IL15RA: variants seen among roughly 807,000 people sequenced by gnomAD.
IL15RA encodes interleukin-15 receptor subunit alpha.
In IL15RA, 26 loss-of-function variants were observed where a neutral mutation model predicts 24.2. The observed-to-expected ratio is 1.07, with a 90% CI of 0.79 to 1.49. The LOEUF (loss-of-function observed/expected upper bound fraction) is 1.49, where lower values mean the gene tolerates loss of function less well. Among genes scored for constraint, IL15RA ranks in the 40% most tolerant of loss-of-function variants. The pLI is 0.00. For synonymous variants in IL15RA, 166 were observed against 157.6 expected, an observed-to-expected ratio of 1.05 and a Z score of -0.40; for missense variants, 354 against 356.4, an observed-to-expected ratio of 0.99 and a Z score of 0.05.
chr10:5,959,351 T>G lies in IL15RA; in HGVS notation c.616+403A>C, dbSNP rs1230353448. ...AAATGTGGACAGCTTCTCTGTTAAGTGCACGGTGCCACGCCCTGGAGAGGA... is the reference window on the plus strand; with the variant it reads ...AAATGTGGACAGCTTCTCTGTTAAGGGCACGGTGCCACGCCCTGGAGAGGA... On this transcript the variant is annotated intron_variant, in intron 5 of 6. Coordinates refer to ENST00000379977, the MANE Select transcript of IL15RA (RefSeq NM_002189.4). This position sits in a 1 kb window ranked among gnomAD's most constrained non-coding sequence, Gnocchi z 4.1. 2.6e-5 allele frequency among the ~76,000 whole-genome samples: 4 copies of G among 152,090 alleles called. No individual in the cohort carries two copies. The highest frequency in any genetic ancestry group is 6.5e-5 in the Admixed American group (1 of 15,270).
rs1589182502 is a variant in IL15RA, at chr10:5,959,929, A to T, written c.584-143T>A. On this transcript the variant is annotated intron_variant, in intron 4 of 6. Coordinates refer to ENST00000379977, the MANE Select transcript of IL15RA (RefSeq NM_002189.4). The surrounding 1 kb of genome is among the most constrained non-coding windows in gnomAD (Gnocchi z 4.1). ...TGGCGTAACCAGACTCATTTTAGCA[A>T]AGAACAAGCAGGGTAGCTCACTGAG... 2.7e-6 allele frequency: 2 copies of T among 732,460 alleles called. No individual in the cohort carries two copies. Among genetic ancestry groups the T allele is most frequent in the Non-Finnish European group, 4.7e-6 (2 of 421,718 alleles). 45.4% of individuals were successfully genotyped at this position (732,460 alleles called of 1,614,324 possible).
chr10:5,960,631 A>G lies in IL15RA; in HGVS notation c.383-64T>C. On this transcript the variant is annotated intron_variant, in intron 3 of 6. Coordinates refer to ENST00000379977, the MANE Select transcript of IL15RA (RefSeq NM_002189.4). This position sits in a 1 kb window ranked among gnomAD's most constrained non-coding sequence, Gnocchi z 5.1. ...AGACTCCCCTCCTCTCAGCTGCAGCACGGGGTGATGTGGGAGCTGCCATAG... is the reference window on the plus strand; with the variant it reads ...AGACTCCCCTCCTCTCAGCTGCAGCGCGGGGTGATGTGGGAGCTGCCATAG... The G allele has an allele frequency of 3.5e-6, 5 of 1,414,694 alleles. No individual in the cohort carries two copies. In the South Asian group the frequency reaches 4.8e-5, roughly 13 times the overall value. 87.6% of individuals were successfully genotyped at this position (1,414,694 alleles called of 1,614,324 possible). A position where few individuals can be genotyped will look rare whatever the true frequency, so the allele number is the denominator to read the frequency against.
In IL15RA at chr10:5,975,478, G is replaced by T. The variant is rs1210538451; in HGVS notation, c.88+1927C>A. Among the ~76,000 whole-genome samples the T allele has an allele frequency of 1.3e-5, 2 of 150,824 alleles. No individual in the cohort carries two copies. The highest frequency in any genetic ancestry group is 5.0e-5 in the African/African-American group (2 of 40,164). The stretch of plus-strand genomic sequence containing the variant: ...GTGATAGTTGTGTTCACTCTTGGTG[G>T]TGGCAGTGGTTTCATGAGTATGTAT... On this transcript the variant is annotated intron_variant, in intron 1 of 6. Coordinates refer to ENST00000379977, the MANE Select transcript of IL15RA (RefSeq NM_002189.4). This position sits in a 1 kb window ranked among gnomAD's most constrained non-coding sequence, Gnocchi z 4.8.
At position 5,958,481 on chromosome 10, in the gene IL15RA, G is replaced by C; in HGVS notation, c.616+1273C>G. On this transcript the variant is annotated intron_variant, in intron 5 of 6. Transcript: ENST00000379977. The surrounding 1 kb of genome is among the most constrained non-coding windows in gnomAD (Gnocchi z 4.3). Reference sequence around the variant, plus strand: ...GCTCACTGCAACCTCTGCCTCCTGGGTTCCAGCAATTCTCCCACCTCAGCA... The same window carrying C: ...GCTCACTGCAACCTCTGCCTCCTGGCTTCCAGCAATTCTCCCACCTCAGCA... 4.0e-6 allele frequency: 1 copy of C among 252,582 alleles called. No homozygotes were observed. The highest frequency in any genetic ancestry group is 8.2e-6 in the Non-Finnish European group (1 of 121,494). 15.6% of individuals were successfully genotyped at this position (252,582 alleles called of 1,614,324 possible). A position where few individuals can be genotyped will look rare whatever the true frequency, so the allele number is the denominator to read the frequency against.
rs1833978015 is a variant in IL15RA, at chr10:5,952,666, C to G, written c.*429G>C. The G allele has an allele frequency of 5.1e-6, 1 of 196,048 alleles. No individual in the cohort carries two copies. The highest frequency in any genetic ancestry group is 1.1e-5 in the Non-Finnish European group (1 of 94,826). The allele number at this position is 196,048 out of a possible 1,614,324, so 12.1% of individuals were successfully genotyped here. A position where few individuals can be genotyped will look rare whatever the true frequency, so the allele number is the denominator to read the frequency against. On this transcript the variant is annotated 3_prime_UTR_variant, in exon 7 of 7. Coordinates refer to ENST00000379977, the MANE Select transcript of IL15RA (RefSeq NM_002189.4). The stretch of plus-strand genomic sequence containing the variant: ...CTGGTGTCTTCCCTGTAGACGTCTC[C>G]CACGCCAGGAGAAGCCTTGTAATTG...
chr10:5,966,336 A>G lies in IL15RA; in HGVS notation c.92T>C (p.Ile31Thr). 8.7e-6 allele frequency: 14 copies of G among 1,605,318 alleles called. No individual in the cohort carries two copies. Among genetic ancestry groups the G allele is most frequent in the Non-Finnish European group, 1.1e-5 (13 of 1,172,546 alleles). The change falls in exon 2 of 7, where the codon ATC becomes ACC. Residue 31 changes from isoleucine (I) to threonine (T), a missense_variant. Transcript: ENST00000379977. The surrounding 1 kb of genome is among the most constrained non-coding windows in gnomAD (Gnocchi z 6.4). ...LLLRPPATRG[I>T]TCPPPMSVEH... is the part of the protein sequence containing the mutation. Reference sequence around the variant, plus strand: ...CACGGACATGGGGGGAGGGCACGTGATGCCTGCGAAAGTGCAGAGGACAGG... The same window carrying G: ...CACGGACATGGGGGGAGGGCACGTGGTGCCTGCGAAAGTGCAGAGGACAGG...
Position 5,959,909 on chromosome 10 carries a change from T to G in IL15RA, c.584-123A>C, listed in dbSNP as rs1589182292. ...CACCCTGGGAGACTCGTGGCTGGCG[T>G]AACCAGACTCATTTTAGCAAAGAAC... On this transcript the variant is annotated intron_variant, in intron 4 of 6. Transcript: ENST00000379977. The surrounding 1 kb of genome is among the most constrained non-coding windows in gnomAD (Gnocchi z 4.1). The G allele has an allele frequency of 2.4e-6, 2 of 837,284 alleles. No individual in the cohort carries two copies. The highest frequency in any genetic ancestry group is 4.0e-6 in the Non-Finnish European group (2 of 506,246). 51.9% of individuals were successfully genotyped at this position (837,284 alleles called of 1,614,324 possible).
chr10:5,950,080 A>C (rs1244581267), downstream of IL15RA, among the ~76,000 whole-genome samples: 1 of 145,120 alleles, frequency 6.9e-6, no homozygotes, highest in Non-Finnish European at 1.5e-5. The surrounding 1 kb of genome is among the most constrained non-coding windows in gnomAD (Gnocchi z 5.6). Context: ...TGGACAGCAG[A>C]GCAAGACTCT....
At position 5,953,276 on chromosome 10, in the gene IL15RA, A is replaced by G; in HGVS notation, c.693-70T>C. 9.0e-7 allele frequency: 1 copy of G among 1,112,118 alleles called. No individual in the cohort carries two copies. Among genetic ancestry groups the G allele is most frequent in the Middle Eastern group, 2.0e-4 (1 of 5,096 alleles). 68.9% of individuals were successfully genotyped at this position (1,112,118 alleles called of 1,614,324 possible). On this transcript the variant is annotated intron_variant, in intron 6 of 6. Coordinates refer to ENST00000379977, the MANE Select transcript of IL15RA (RefSeq NM_002189.4). The surrounding 1 kb of genome is among the most constrained non-coding windows in gnomAD (Gnocchi z 5.3). ...GCCCTCAAATCAACAGACGCTTCCC[A>G]CTGAGCATGTATGTCCAGCACTGCG...
At chr10:5,949,230 T>A (rs1181512692), downstream of IL15RA, 1 of 471,280 alleles carries the variant, frequency 2.1e-6, no homozygotes, top group Admixed American at 2.3e-5. This position sits in a 1 kb window ranked among gnomAD's most constrained non-coding sequence, Gnocchi z 4.4. Context: ...TATGTCACTT[T>A]TCTCTGTGAG....
rs1034792099 is a variant in IL15RA at position 5,955,968 on chromosome 10, C to T, written c.692+411G>A. Among the ~76,000 whole-genome samples, 4 of 152,066 alleles carry T rather than the reference C, an allele frequency of 2.6e-5. No individual in the cohort carries two copies. The highest frequency in any genetic ancestry group is 1.9e-4 in the East Asian group (1 of 5,188). On this transcript the variant is annotated intron_variant, in intron 6 of 6. Transcript: ENST00000379977. This position sits in a 1 kb window ranked among gnomAD's most constrained non-coding sequence, Gnocchi z 5.3. ...TGTGAGAGCCGATGGCCAGGAAAGG[C>T]GTCCTTCTTGGGAGGGGGCATTCTG... is the stretch of plus-strand genomic sequence containing the variant.
chr10:5,949,402 A>T (rs567014933), downstream of IL15RA: 210 of 469,920 alleles, frequency 4.5e-4, 1 homozygote, highest in African/African-American at 4.1e-3. This position sits in a 1 kb window ranked among gnomAD's most constrained non-coding sequence, Gnocchi z 4.4. Flanking sequence ...ATTACCTAAA[A>T]TATGCACACA....
chr10:5,977,873 G>A, upstream of IL15RA: 1 of 366,728 alleles, frequency 2.7e-6, no homozygotes, highest in Non-Finnish European at 4.9e-6. Flanking sequence ...GAAGAGAGTG[G>A]GCAAAGTCAT....
Position 5,968,803 on chromosome 10 carries a change from G to A in IL15RA, c.89-2464C>T, listed in dbSNP as rs1837059423. On this transcript the variant is annotated intron_variant, in intron 1 of 6. Transcript: ENST00000379977. This position sits in a 1 kb window ranked among gnomAD's most constrained non-coding sequence, Gnocchi z 5.4. ...GCTTGCTGCCTGCTTGTCCGATGGT[G>A]GTGGCACTGGGGGCAGTTTTCCATT... is the stretch of plus-strand genomic sequence containing the variant. The A allele has an allele frequency of 1.4e-6, 1 of 717,078 alleles. No homozygotes were observed. Among genetic ancestry groups the A allele is most frequent in the Non-Finnish European group, 2.5e-6 (1 of 398,594 alleles). 44.4% of individuals were successfully genotyped at this position (717,078 alleles called of 1,614,324 possible).
rs1238053992 is a variant in IL15RA at position 5,960,908 on chromosome 10, C to G, written c.383-341G>C. Among the ~76,000 whole-genome samples the G allele has an allele frequency of 2.0e-5, 3 of 152,044 alleles. No individual in the cohort carries two copies. The highest frequency in any genetic ancestry group is 4.4e-5 in the Non-Finnish European group (3 of 68,016). ...ACCAGCCTGGGCAACACAGCAAGAC[C>G]CTGTTTCTTTTCCTTCTTTTTTTGA... On this transcript the variant is annotated intron_variant, in intron 3 of 6. Transcript: ENST00000379977. This position sits in a 1 kb window ranked among gnomAD's most constrained non-coding sequence, Gnocchi z 5.1.
Position 5,952,747 on chromosome 10 carries a change from A to G in IL15RA, c.*348T>C. The G allele has an allele frequency of 3.4e-6, 1 of 295,396 alleles. No homozygotes were observed. Among genetic ancestry groups the G allele is most frequent in the East Asian group, 6.9e-5 (1 of 14,592 alleles). 18.3% of individuals were successfully genotyped at this position (295,396 alleles called of 1,614,324 possible). A position where few individuals can be genotyped will look rare whatever the true frequency, so the allele number is the denominator to read the frequency against. ...TGTGAACTGAAAGTTAGGATGAGGG[A>G]CGGAAGATTCGGGGCAGGGTTTTTA... On this transcript the variant is annotated 3_prime_UTR_variant, in exon 7 of 7. Coordinates refer to ENST00000379977, the MANE Select transcript of IL15RA (RefSeq NM_002189.4).
In IL15RA at chr10:5,968,881, C is replaced by T. The variant is rs576923539; in HGVS notation, c.89-2542G>A. 72 of 1,296,572 alleles carry T rather than the reference C, an allele frequency of 5.6e-5. 1 individual carries two copies. In the South Asian group the frequency reaches 8.8e-4, roughly 16 times the overall value. The allele number at this position is 1,296,572 out of a possible 1,614,324, so 80.3% of individuals were successfully genotyped here. On this transcript the variant is annotated intron_variant, in intron 1 of 6. Transcript: ENST00000379977. The surrounding 1 kb of genome is among the most constrained non-coding windows in gnomAD (Gnocchi z 5.4). Reference sequence around the variant, plus strand: ...GTCTGGACCTCATGGTTGAAGCTTTCAGATATTCTGCTCCTTCCCGCCAGG... The same window carrying T: ...GTCTGGACCTCATGGTTGAAGCTTTTAGATATTCTGCTCCTTCCCGCCAGG...
Position 5,959,502 on chromosome 10 carries a change from G to A in IL15RA, c.616+252C>T, listed in dbSNP as rs1203284970. The stretch of plus-strand genomic sequence containing the variant: ...CTGACCTTGAGCCCTTATTTGGGGT[G>A]CCAGCTCTCTGGGTTCAACCCCAGT... On this transcript the variant is annotated intron_variant, in intron 5 of 6. Coordinates refer to ENST00000379977, the MANE Select transcript of IL15RA (RefSeq NM_002189.4). This position sits in a 1 kb window ranked among gnomAD's most constrained non-coding sequence, Gnocchi z 4.1. 6.6e-6 allele frequency among the ~76,000 whole-genome samples: 1 copy of A among 152,238 alleles called. No individual in the cohort carries two copies. The highest frequency in any genetic ancestry group is 1.5e-5 in the Non-Finnish European group (1 of 68,050).
At position 5,961,615 on chromosome 10, in the gene IL15RA, C is replaced by T. The variant is rs1835555255; in HGVS notation, c.383-1048G>A. Among the ~76,000 whole-genome samples, 1 of 152,218 alleles carries T rather than the reference C, an allele frequency of 6.6e-6. No individual in the cohort carries two copies. Among genetic ancestry groups the T allele is most frequent in the Admixed American group, 6.5e-5 (1 of 15,288 alleles). On this transcript the variant is annotated intron_variant, in intron 3 of 6. Transcript: ENST00000379977. This position sits in a 1 kb window ranked among gnomAD's most constrained non-coding sequence, Gnocchi z 5.2. ...CCGGGCTGTGTGGGAGGAAAGCGTCCTGATGAGCTTGCTCTCAGGAACAGA... is the reference window on the plus strand; with the variant it reads ...CCGGGCTGTGTGGGAGGAAAGCGTCTTGATGAGCTTGCTCTCAGGAACAGA...
Sources: gnomAD v4.1 joint callset for allele counts (sites outside exome capture counted in the v4.1 genomes callset) on GRCh38, gnomAD v4.1.1 for gene constraint, Gnocchi (gnomAD v3.1) non-coding constraint, MANE v1.5 for transcripts, NCBI Gene and HGNC (gene_info 2026-07-23, HGNC 2026-07-21) for gene names.